Variants in TRAM2 observed in about 807,000 individuals in gnomAD.
TRAM2 encodes translocating chain-associated membrane protein 2.
TRAM2 carries 12 observed loss-of-function variants against 51.0 expected under a neutral mutation model. The observed-to-expected ratio is 0.24, with a 90% CI of 0.15 to 0.38. The LOEUF (loss-of-function observed/expected upper bound fraction) is 0.38. Among genes scored for constraint, TRAM2 ranks in the 10% least tolerant of loss-of-function variants. The pLI is 1.00. For synonymous variants in TRAM2, 175 were observed against 179.4 expected (o/e 0.98, Z 0.20); for missense variants, 361 against 462.0 (o/e 0.78, Z 2.00).
In TRAM2 at chr6:52,519,910, G is replaced by T. The variant is rs961801806; in HGVS notation, c.185-3173C>A. On this transcript the variant is annotated intron_variant, in intron 2 of 10. Transcript: ENST00000182527. ...AGTCAGTCACAAAAGGACAAATACT[G>T]TATGATTCGATTTATATATGAGTTA... Among the ~76,000 whole-genome samples, 3 of 152,178 alleles carry T rather than the reference G, an allele frequency of 2.0e-5. No individual in the cohort carries two copies. In the East Asian group the frequency reaches 5.8e-4, roughly 29 times the overall value.
At chr6:52,570,792 A>ACCCCCCCCCCCCCC (rs1487796614) in intron 1 of TRAM2, among the ~76,000 whole-genome samples, 2 of 32,846 alleles carry the variant, frequency 6.1e-5, no homozygotes, top group Non-Finnish European at 1.2e-4. Context: ...CTCCCTGCCC[A>ACCCCCCCCCCCCCC]CCACCCCCCC....
intron 1 of TRAM2, among the ~76,000 whole-genome samples, chr6:52,546,591 C>T (rs755053361): frequency 6.6e-6 from 1 of 152,098 alleles, no homozygotes; most frequent in Non-Finnish European, 1.5e-5. Context: ...AGGGAATGGC[C>T]AAAAGTGGTG....
At chr6:52,568,866 G>T (rs1231372546) in intron 1 of TRAM2, among the ~76,000 whole-genome samples, 1 of 152,140 alleles carries the variant, frequency 6.6e-6, no homozygotes, top group East Asian at 1.9e-4. Flanking sequence ...GCAAAATTCA[G>T]GGGCTTTATT....
At chr6:52,526,993 C>T (rs1766794011) in intron 2 of TRAM2, among the ~76,000 whole-genome samples, 1 of 151,070 alleles carries the variant, frequency 6.6e-6, no homozygotes, top group South Asian at 2.1e-4. Flanking sequence ...TTAATTAAGG[C>T]TTTTTTTTTA....
At position 52,505,592 on chromosome 6, in the gene TRAM2, G is replaced by T; in HGVS notation, c.875+7C>A. ...GGCTTATCACCTTGGACTTCTGCTC[G>T]ACTCACCTGCAAAACAAAGTGTTGA... On this transcript the variant is annotated splice_region_variant and intron_variant, in intron 9 of 10. Transcript: ENST00000182527. 6 of 1,604,988 alleles carry T rather than the reference G, an allele frequency of 3.7e-6. No individual in the cohort carries two copies. Among genetic ancestry groups the T allele is most frequent in the Non-Finnish European group, 5.1e-6 (6 of 1,174,106 alleles).
intron 2 of TRAM2, among the ~76,000 whole-genome samples, chr6:52,520,165 A>G (rs1442025983): frequency 6.6e-6 from 1 of 152,256 alleles, no homozygotes; most frequent in Non-Finnish European, 1.5e-5. Context: ...ACAATTTAAA[A>G]AACAACAACA....
intron 5 of TRAM2, among the ~76,000 whole-genome samples, chr6:52,508,524 A>T (rs540763300): frequency 1.1e-4 from 17 of 152,364 alleles, no homozygotes; most frequent in African/African-American, 4.1e-4. Flanking sequence ...CCACATACAA[A>T]ACCACTTAAA....
In TRAM2 at chr6:52,531,383, C is replaced by T. The variant is rs548399392; in HGVS notation, c.184+4400G>A. ...ATTTGCTTGTCTTATTTCCAACAGCCCCAAATGGCAAGATTTAAATAAAAG... is the reference window on the plus strand; with the variant it reads ...ATTTGCTTGTCTTATTTCCAACAGCTCCAAATGGCAAGATTTAAATAAAAG... On this transcript the variant is annotated intron_variant, in intron 2 of 10. Coordinates refer to ENST00000182527, the MANE Select transcript of TRAM2 (RefSeq NM_012288.4). Among the ~76,000 whole-genome samples, 53 of 152,272 alleles carry T rather than the reference C, an allele frequency of 3.5e-4. No homozygotes were observed. The South Asian group carries it at 5.0e-3, about 14-fold the overall frequency.
chr6:52,541,047 G>A (rs1224847735), intron 1 of TRAM2, among the ~76,000 whole-genome samples: 1 of 152,200 alleles, frequency 6.6e-6, no homozygotes, highest in African/African-American at 2.4e-5. Flanking sequence ...CACATGCCAT[G>A]CTGTATTAGG....
chr6:52,543,286 C>G (rs1767136958), intron 1 of TRAM2, among the ~76,000 whole-genome samples: 1 of 152,182 alleles, frequency 6.6e-6, no homozygotes, highest in Non-Finnish European at 1.5e-5. Context: ...ATCTGGATAG[C>G]ATAGCATACT....
At position 52,531,805 on chromosome 6, in the gene TRAM2, C is replaced by A. The variant is rs190584572; in HGVS notation, c.184+3978G>T. Reference sequence around the variant, plus strand: ...TAACCTTGTACATTTCCTTCATCACCCTGTTACAACTACAATTTAATTCAT... The same window carrying A: ...TAACCTTGTACATTTCCTTCATCACACTGTTACAACTACAATTTAATTCAT... On this transcript the variant is annotated intron_variant, in intron 2 of 10. Coordinates refer to ENST00000182527, the MANE Select transcript of TRAM2 (RefSeq NM_012288.4). Among the ~76,000 whole-genome samples the A allele has an allele frequency of 5.9e-5, 9 of 152,274 alleles. No individual in the cohort carries two copies. In the East Asian group the frequency reaches 1.5e-3, roughly 26 times the overall value.
chr6:52,506,223 G>A, intron 7 of TRAM2, 87 bp from the exon 8 acceptor site: 1 of 1,248,794 alleles, frequency 8.0e-7, no homozygotes, highest in South Asian at 1.2e-5. Flanking sequence ...GCTGTCCCCT[G>A]TGCCTGGCTG....
At chr6:52,526,066 G>C (rs1443784581) in intron 2 of TRAM2, among the ~76,000 whole-genome samples, 1 of 151,774 alleles carries the variant, frequency 6.6e-6, no homozygotes, top group African/African-American at 2.4e-5. Flanking sequence ...CTGGTCTCCA[G>C]AACTGTGAGA....
intron 2 of TRAM2, among the ~76,000 whole-genome samples, chr6:52,518,067 T>C (rs1412928341): frequency 6.6e-6 from 1 of 152,040 alleles, no homozygotes; most frequent in Non-Finnish European, 1.5e-5. Flanking sequence ...TTGGAAAACA[T>C]ACAGTGCAGC....
intron 1 of TRAM2, among the ~76,000 whole-genome samples, chr6:52,537,270 C>G (rs576676366): frequency 1.3e-5 from 2 of 152,194 alleles, no homozygotes; most frequent in Non-Finnish European, 2.9e-5. Context: ...AAGCCCTATC[C>G]GAATATACAG....
chr6:52,570,458 C>T (rs1424560651), intron 1 of TRAM2, among the ~76,000 whole-genome samples: 4 of 152,140 alleles, frequency 2.6e-5, no homozygotes, highest in African/African-American at 2.4e-5. Context: ...TTTGTGGAAG[C>T]ATTGGGGCTG....
chr6:52,545,873 C>T (rs140218482), intron 1 of TRAM2, among the ~76,000 whole-genome samples: 44 of 152,230 alleles, frequency 2.9e-4, no homozygotes, highest in African/African-American at 1.0e-3. Flanking sequence ...GTTTTGCCCC[C>T]ACTCCCACAC....
At chr6:52,503,390 A>G (rs1050218915) in intron 10 of TRAM2, 120 bp from the exon 11 acceptor site, 2 of 867,962 alleles carry the variant, frequency 2.3e-6, no homozygotes, top group African/African-American at 3.3e-5. Flanking sequence ...ACATGGATGC[A>G]CCAAAGGGGC....
intron 1 of TRAM2, among the ~76,000 whole-genome samples, chr6:52,553,303 G>A (rs1767343282): frequency 6.6e-6 from 1 of 152,122 alleles, no homozygotes; most frequent in Non-Finnish European, 1.5e-5. Flanking sequence ...AATGTATTTG[G>A]TAGAGAAATA....
Sources: gnomAD v4.1 joint callset for allele counts (sites outside exome capture counted in the v4.1 genomes callset) on GRCh38, gnomAD v4.1.1 for gene constraint, MANE v1.5 for transcripts, NCBI Gene and HGNC (gene_info 2026-07-23, HGNC 2026-07-21) for gene names.